Variants in SLC9A9 observed in about 807,000 individuals in gnomAD.
The protein encoded by SLC9A9 is solute carrier family 9 member A9.
Under a neutral mutation model 77.8 loss-of-function variants are expected in SLC9A9, and 62 were observed. The observed-to-expected ratio is 0.80, with a 90% CI of 0.65 to 0.98. The LOEUF is 0.98. Among genes scored for constraint, SLC9A9 ranks in the 50% least tolerant of loss-of-function variants. The probability of loss-of-function intolerance (pLI) is 0.00; values close to 1 mark genes in which losing one functional copy is unlikely to be tolerated. For missense variants in SLC9A9, 775 were observed against 774.9 expected (o/e 1.00, Z 0.00); for synonymous variants, 320 against 283.5 (o/e 1.13, Z -1.29).
chr3:143,680,610 T>A (rs1405153664), intron 5 of SLC9A9, among the ~76,000 whole-genome samples: 1 of 152,204 alleles, frequency 6.6e-6, no homozygotes, highest in Non-Finnish European at 1.5e-5. Flanking sequence ...CTGCTAAATT[T>A]TTTAAATGCT....
intron 2 of SLC9A9, among the ~76,000 whole-genome samples, chr3:143,817,437 C>T (rs59653678): frequency 0.041 from 6,211 of 152,098 alleles, 408 homozygotes; most frequent in African/African-American, 0.14. Flanking sequence ...CGTGAGCCAC[C>T]GCGCCCGGCC....
chr3:143,346,239 G>T (rs1399937195), intron 14 of SLC9A9, among the ~76,000 whole-genome samples: 1 of 152,094 alleles, frequency 6.6e-6, no homozygotes, highest in Non-Finnish European at 1.5e-5. Context: ...GCTAAAAGAA[G>T]ATTATTCTAT....
Position 143,633,793 on chromosome 3 carries a change from T to C in SLC9A9, c.755+18462A>G, listed in dbSNP as rs543490818. Among the ~76,000 whole-genome samples, 25 of 152,336 alleles carry C rather than the reference T, an allele frequency of 1.6e-4. No homozygotes were observed. The East Asian group carries it at 4.2e-3, about 26-fold the overall frequency. ...ATTTGAATTTTATTTAGGAAGAGTATTAATATTCTAAAATTCTAAAATATG... is the reference window on the plus strand; with the variant it reads ...ATTTGAATTTTATTTAGGAAGAGTACTAATATTCTAAAATTCTAAAATATG... On this transcript the variant is annotated intron_variant, in intron 6 of 15. Coordinates refer to ENST00000316549, the MANE Select transcript of SLC9A9 (RefSeq NM_173653.4).
intron 9 of SLC9A9, among the ~76,000 whole-genome samples, chr3:143,527,732 T>C (rs529622944): frequency 1.3e-5 from 2 of 152,250 alleles, no homozygotes; most frequent in South Asian, 4.1e-4. Context: ...TAGGTCCACA[T>C]CCCTCCCAAT....
intron 1 of SLC9A9, among the ~76,000 whole-genome samples, chr3:143,846,817 G>T (rs2009841152): frequency 2.0e-5 from 3 of 151,442 alleles, no homozygotes; most frequent in Admixed American, 1.3e-4. Context: ...ACAACGTGCA[G>T]GTTAGTTACA....
chr3:143,604,815 G>A (rs1055117975), intron 6 of SLC9A9, among the ~76,000 whole-genome samples: 2 of 152,198 alleles, frequency 1.3e-5, no homozygotes, highest in African/African-American at 2.4e-5. Context: ...CCACTCAGCT[G>A]TGATATTGTT....
chr3:143,826,004 A>G (rs1240693143), intron 2 of SLC9A9, among the ~76,000 whole-genome samples: 1 of 152,168 alleles, frequency 6.6e-6, no homozygotes, highest in Non-Finnish European at 1.5e-5. Context: ...CACACCTATA[A>G]TCCCAGCATT....
chr3:143,418,297 G>C (rs946900795), intron 12 of SLC9A9, among the ~76,000 whole-genome samples: 6 of 150,792 alleles, frequency 4.0e-5, no homozygotes, highest in African/African-American at 1.5e-4. Flanking sequence ...TGTGGGGACA[G>C]TAATATTATC....
At chr3:143,470,103 G>A (rs972907382) in intron 11 of SLC9A9, among the ~76,000 whole-genome samples, 1 of 152,180 alleles carries the variant, frequency 6.6e-6, no homozygotes, top group Non-Finnish European at 1.5e-5. Context: ...ATAGACTTCT[G>A]TATCTGAGGA....
chr3:143,634,147 C>CTTTTTTTTTTTTTTTTTTTTTTTTT (rs1033629087), intron 6 of SLC9A9, among the ~76,000 whole-genome samples: 15 of 149,326 alleles, frequency 1.0e-4, no homozygotes, highest in African/African-American at 3.9e-4. Context: ...ATAATCCTTT[C>CTTTTTTTTTTTTTTTTTTTTTTTTT]TTTAAGCTTG....
intron 5 of SLC9A9, among the ~76,000 whole-genome samples, chr3:143,675,256 T>C (rs2039219195): frequency 6.6e-6 from 1 of 152,228 alleles, no homozygotes; most frequent in Non-Finnish European, 1.5e-5. Flanking sequence ...GAACTAGACC[T>C]GAGGTCTCCT....
At chr3:143,665,032 A>G (rs552154119) in intron 5 of SLC9A9, among the ~76,000 whole-genome samples, 61 of 152,346 alleles carry the variant, frequency 4.0e-4, no homozygotes, top group Admixed American at 4.0e-3. Context: ...CAGAATATAC[A>G]TTCTTCTCAG....
intron 9 of SLC9A9, among the ~76,000 whole-genome samples, chr3:143,510,432 T>C (rs2036097882): frequency 6.6e-6 from 1 of 152,238 alleles, no homozygotes; most frequent in Non-Finnish European, 1.5e-5. Context: ...TGTGTCATTT[T>C]ATAGAATGAT....
At chr3:143,846,871 G>A (rs1031427698) in intron 1 of SLC9A9, among the ~76,000 whole-genome samples, 3 of 151,682 alleles carry the variant, frequency 2.0e-5, no homozygotes, top group Non-Finnish European at 4.4e-5. Context: ...CCATTAACTC[G>A]TCATTTAACA....
At chr3:143,539,902 G>C (rs1413912734) in intron 9 of SLC9A9, among the ~76,000 whole-genome samples, 2 of 152,088 alleles carry the variant, frequency 1.3e-5, no homozygotes, top group Non-Finnish European at 2.9e-5. Context: ...GAGAGAGTGT[G>C]CAAGTGAGCA....
chr3:143,810,460 A>G (rs1310172958), intron 2 of SLC9A9, among the ~76,000 whole-genome samples: 5 of 152,208 alleles, frequency 3.3e-5, no homozygotes, highest in Admixed American at 6.5e-5. Context: ...TGTTTCATCA[A>G]TTCTGACAAC....
In SLC9A9 at chr3:143,795,036, G is replaced by A. The variant is rs752509231; in HGVS notation, c.498C>T (p.Ala166=). ...FQNLGSILTY[A]FLGTAISCIV... is the part of the protein sequence containing the mutation. ...TGCAGGAGATGGCAGTTCCCAAGAA[G>A]GCATACGTTAAAATAGATCCTAAGT... Residue 166 remains alanine, a synonymous_variant, in exon 4 of 16, where the codon GCC becomes GCT. Coordinates refer to ENST00000316549, the MANE Select transcript of SLC9A9 (RefSeq NM_173653.4). The A allele has an allele frequency of 6.2e-7, 1 of 1,613,754 alleles. No individual in the cohort carries two copies. Among genetic ancestry groups the A allele is most frequent in the South Asian group, 1.1e-5 (1 of 91,076 alleles).
chr3:143,430,578 G>A (rs779835203), intron 12 of SLC9A9, among the ~76,000 whole-genome samples: 3 of 152,238 alleles, frequency 2.0e-5, no homozygotes, highest in Non-Finnish European at 2.9e-5. Flanking sequence ...ATAGTGGAGA[G>A]TGGGTGCTTC....
At chr3:143,595,935 A>G (rs1042974772) in intron 6 of SLC9A9, among the ~76,000 whole-genome samples, 6 of 152,184 alleles carry the variant, frequency 3.9e-5, no homozygotes, top group Admixed American at 3.9e-4. Context: ...GTCTTAGTAA[A>G]AAAAATTAAA....
Sources: gnomAD v4.1 joint callset for allele counts (sites outside exome capture counted in the v4.1 genomes callset) on GRCh38, gnomAD v4.1.1 for gene constraint, MANE v1.5 for transcripts, NCBI Gene and HGNC (gene_info 2026-07-23, HGNC 2026-07-21) for gene names.